The following BCAR3 variants were observed in gnomAD, a reference collection of about 807,000 sequenced individuals.
BCAR3 encodes BCAR3 adaptor protein, NSP family member, also known as breast cancer anti-estrogen resistance protein 3.
Under a neutral mutation model 80.1 loss-of-function variants are expected in BCAR3, and 37 were observed. The ratio of observed to expected loss-of-function variants is 0.46; its 90% confidence interval spans 0.36 to 0.61. BCAR3 has a LOEUF of 0.61. BCAR3 is among the 20% of genes least tolerant of loss of function. The pLI, the probability that BCAR3 is intolerant of heterozygous loss-of-function variation, is 0.00. For synonymous variants in BCAR3, 389 were observed against 418.9 expected, an observed-to-expected ratio of 0.93 and a Z score of 0.87; for missense variants, 978 against 1,068.2, an observed-to-expected ratio of 0.92 and a Z score of 1.18.
At chr1:93,711,819 A>C (rs907002015) in intron 2 of BCAR3, among the ~76,000 whole-genome samples, 1 of 152,220 alleles carries the variant, frequency 6.6e-6, no homozygotes, top group Admixed American at 6.5e-5. Flanking sequence ...ACCTACAGAC[A>C]AGAATCCTGT....
At chr1:93,605,761 T>A (rs908506419) in intron 3 of BCAR3, among the ~76,000 whole-genome samples, 3 of 152,196 alleles carry the variant, frequency 2.0e-5, no homozygotes, top group Non-Finnish European at 4.4e-5. Flanking sequence ...ATTCAAATAC[T>A]CTCATTTCCT....
upstream of BCAR3, among the ~76,000 whole-genome samples, chr1:93,682,966 T>C (rs1176500383): frequency 6.6e-6 from 1 of 152,050 alleles, no homozygotes; most frequent in African/African-American, 2.4e-5. Context: ...ACACATGTAG[T>C]ACTAATATAA....
At chr1:93,577,418 T>C (rs1369635296) in intron 7 of BCAR3, among the ~76,000 whole-genome samples, 1 of 152,162 alleles carries the variant, frequency 6.6e-6, no homozygotes. Flanking sequence ...GGGATGACCC[T>C]GTGGATGAGC....
intron 2 of BCAR3, among the ~76,000 whole-genome samples, chr1:93,798,695 G>A (rs1571135709): frequency 6.6e-6 from 1 of 152,292 alleles, no homozygotes; most frequent in East Asian, 1.9e-4. Flanking sequence ...TGCTCTCTAT[G>A]ATGTCTACAT....
chr1:93,609,137 G>A (rs946953619), intron 3 of BCAR3, among the ~76,000 whole-genome samples: 4 of 152,186 alleles, frequency 2.6e-5, no homozygotes, highest in African/African-American at 7.2e-5. Flanking sequence ...ATGGGCAGAT[G>A]TGACTCCTCA....
chr1:93,816,884 C>A (rs1044747449), intron 2 of BCAR3, among the ~76,000 whole-genome samples: 19 of 152,152 alleles, frequency 1.2e-4, no homozygotes, highest in African/African-American at 4.6e-4. Flanking sequence ...CTTAGCTATA[C>A]TTACAAAAAC....
intron 2 of BCAR3, among the ~76,000 whole-genome samples, chr1:93,745,227 A>C (rs550069035): frequency 9.8e-5 from 15 of 152,334 alleles, no homozygotes; most frequent in African/African-American, 3.6e-4. Flanking sequence ...GGAGGGAAAG[A>C]AGTGATGCTG....
intron 3 of BCAR3, among the ~76,000 whole-genome samples, chr1:93,606,715 C>T (rs1674781916): frequency 6.6e-6 from 1 of 152,064 alleles, no homozygotes; most frequent in Non-Finnish European, 1.5e-5. Flanking sequence ...TATTCTATCC[C>T]AACTTTCACC....
chr1:93,704,431 T>C lies in BCAR3; in HGVS notation c.-12+1661A>G, dbSNP rs533554089. ...TTACATGCATCTATAAGGTAGGTAC[T>C]GCTATTCTCATTTTACGAATGAAAA... On this transcript the variant is annotated intron_variant, in intron 3 of 13. Transcript: ENST00000370244. 1.1e-4 allele frequency among the ~76,000 whole-genome samples: 17 copies of C among 152,316 alleles called. No homozygotes were observed. The South Asian group carries it at 3.5e-3, about 32-fold the overall frequency.
intron 7 of BCAR3, among the ~76,000 whole-genome samples, chr1:93,577,400 A>G (rs968061538): frequency 6.6e-6 from 1 of 152,068 alleles, no homozygotes; most frequent in Admixed American, 6.5e-5. Context: ...ACTACTGTCA[A>G]CCCTGAGGGG....
At chr1:93,749,892 T>A (rs994488952) in intron 2 of BCAR3, among the ~76,000 whole-genome samples, 27 of 150,464 alleles carry the variant, frequency 1.8e-4, no homozygotes, top group East Asian at 5.8e-4. Context: ...TTGACTTATT[T>A]TTTTTTTTTT....
intron 2 of BCAR3, among the ~76,000 whole-genome samples, chr1:93,645,632 G>A (rs1390629273): frequency 1.4e-5 from 2 of 146,370 alleles, no homozygotes; most frequent in African/African-American, 5.2e-5. Context: ...TAAAGCTACA[G>A]GATCTTTGTG....
intron 2 of BCAR3, among the ~76,000 whole-genome samples, chr1:93,652,487 G>A (rs1213280296): frequency 1.3e-5 from 2 of 152,050 alleles, no homozygotes; most frequent in Non-Finnish European, 2.9e-5. Context: ...ATCACAGTTG[G>A]CCCTATAGAC....
At chr1:93,633,779 C>T (rs776619110) in intron 3 of BCAR3, among the ~76,000 whole-genome samples, 50 of 152,320 alleles carry the variant, frequency 3.3e-4, no homozygotes, top group African/African-American at 9.9e-4. Context: ...GGATTACAGG[C>T]GCATGCCACC....
intron 5 of BCAR3, chr1:93,584,983 C>T (rs1673883921): frequency 2.0e-6 from 2 of 984,214 alleles, no homozygotes; most frequent in South Asian, 9.4e-5. Context: ...TTTACAAGCA[C>T]CAAAGAAAAA....
At chr1:93,727,354 A>G (rs977773448) in intron 2 of BCAR3, among the ~76,000 whole-genome samples, 1 of 152,196 alleles carries the variant, frequency 6.6e-6, no homozygotes, top group Admixed American at 6.5e-5. Context: ...TCTCAGGTCA[A>G]CTTTCACTCT....
At chr1:93,819,934 G>T (rs938538008) in intron 2 of BCAR3, among the ~76,000 whole-genome samples, 2 of 152,072 alleles carry the variant, frequency 1.3e-5, no homozygotes, top group Non-Finnish European at 2.9e-5. Flanking sequence ...CCACCCTCAA[G>T]TAGGTCCCAG....
At chr1:93,593,995 G>A (rs1486201872) in intron 3 of BCAR3, among the ~76,000 whole-genome samples, 1 of 152,186 alleles carries the variant, frequency 6.6e-6, no homozygotes, top group Non-Finnish European at 1.5e-5. Flanking sequence ...GCAGGCTTTA[G>A]ACGGTGATGT....
intron 2 of BCAR3, among the ~76,000 whole-genome samples, chr1:93,736,673 A>C (rs571938082): frequency 4.6e-5 from 7 of 152,224 alleles, no homozygotes; most frequent in Admixed American, 4.6e-4. Context: ...CTAATATGGC[A>C]CTAAGGGGGT....
Sources: gnomAD v4.1 joint callset for allele counts (sites outside exome capture counted in the v4.1 genomes callset) on GRCh38, gnomAD v4.1.1 for gene constraint, MANE v1.5 for transcripts, NCBI Gene and HGNC (gene_info 2026-07-23, HGNC 2026-07-21) for gene names.